Variants in USP54 observed in about 807,000 individuals in gnomAD.
USP54 encodes the protein ubiquitin specific peptidase 54.
Under a neutral mutation model 170.5 loss-of-function variants are expected in USP54, and 87 were observed. The ratio of observed to expected loss-of-function variants is 0.51; its 90% confidence interval spans 0.43 to 0.61. The LOEUF (loss-of-function observed/expected upper bound fraction) is 0.61, where lower values mean the gene tolerates loss of function less well. Among genes scored for constraint, USP54 ranks in the 20% least tolerant of loss-of-function variants. The pLI is 0.00. For synonymous variants in USP54, 655 were observed against 742.8 expected, an observed-to-expected ratio of 0.88 and a Z score of 1.92; for missense variants, 1,786 against 2,047.8, an observed-to-expected ratio of 0.87 and a Z score of 2.47.
chr10:73,579,021 A>G (rs1210272532), intron 1 of USP54, among the ~76,000 whole-genome samples: 1 of 148,614 alleles, frequency 6.7e-6, no homozygotes, highest in Non-Finnish European at 1.5e-5. Flanking sequence ...GCTCACTGTA[A>G]CCTCCACCTC....
At position 73,601,447 on chromosome 10, in the gene USP54, ATG is replaced by A. The variant is rs2079157825; in HGVS notation, c.-18+24118_-18+24119del. Among the ~76,000 whole-genome samples, 2 of 152,114 alleles carry A rather than the reference ATG, an allele frequency of 1.3e-5. 1 individual carries two copies. Among genetic ancestry groups the A allele is most frequent in the Non-Finnish European group, 2.9e-5 (2 of 68,024 alleles). ...CAACTTAGAGAAAGACTGAATGTGT[ATG>A]TCACCTTCAACCTGATACTCACACA... On this transcript the variant is annotated intron_variant, in intron 1 of 22. Transcript: ENST00000339859.
chr10:73,592,447 C>G (rs1029598884), upstream of USP54, among the ~76,000 whole-genome samples: 16 of 149,520 alleles, frequency 1.1e-4, no homozygotes, highest in African/African-American at 4.0e-4. Context: ...TTGAAGTAGT[C>G]CTTTGGCCAC....
intron 11 of USP54, 40 bp downstream of exon 11, chr10:73,536,229 G>A (rs770997220): frequency 6.2e-7 from 1 of 1,608,974 alleles, no homozygotes. Flanking sequence ...TGATCGCATG[G>A]GGTGAGGAGA....
At chr10:73,501,381 T>A (rs1013015418) in intron 22 of USP54, among the ~76,000 whole-genome samples, 3 of 152,214 alleles carry the variant, frequency 2.0e-5, no homozygotes, top group African/African-American at 7.2e-5. Flanking sequence ...CCCTATTAGT[T>A]ATCTACTTTT....
At chr10:73,568,357 G>A (rs2074308525) in intron 4 of USP54, among the ~76,000 whole-genome samples, 1 of 152,046 alleles carries the variant, frequency 6.6e-6, no homozygotes, top group Admixed American at 6.6e-5. Flanking sequence ...CCTGGATGAG[G>A]GAATAGCTCT....
At chr10:73,570,265 C>T (rs1453152886) in intron 4 of USP54, among the ~76,000 whole-genome samples, 3 of 151,984 alleles carry the variant, frequency 2.0e-5, no homozygotes, top group Non-Finnish European at 4.4e-5. Flanking sequence ...TTGGCCCTTA[C>T]ACATCATAGC....
chr10:73,514,497 AG>A (rs1589916277), intron 20 of USP54, among the ~76,000 whole-genome samples: 1 of 151,440 alleles, frequency 6.6e-6, no homozygotes, highest in East Asian at 2.0e-4. Context: ...CAGGAGGCAG[AG>A]GTTGCAGTGA....
intron 4 of USP54, among the ~76,000 whole-genome samples, chr10:73,571,137 CAAAAAA>C (rs59126730): frequency 0.083 from 3,672 of 44,156 alleles, 93 homozygotes; most frequent in South Asian, 0.23. Context: ...GACTTCATCC[CAAAAAA>C]AAAAAAAAAA....
chr10:73,541,913 G>A lies in USP54; in HGVS notation c.573-175C>T, dbSNP rs567963786. 1.2e-4 allele frequency: 72 copies of A among 611,676 alleles called. No individual in the cohort carries two copies. In the African/African-American group the frequency reaches 1.2e-3, roughly 10 times the overall value. 37.9% of individuals were successfully genotyped at this position (611,676 alleles called of 1,614,324 possible). On this transcript the variant is annotated intron_variant, in intron 7 of 23. Transcript: ENST00000687698. ...CAGTAAGTACCTCTACCTGTCCCCA[G>A]ATCCAAAGCTCATAGAATCCCCACT...
intron 12 of USP54, among the ~76,000 whole-genome samples, chr10:73,531,754 T>C (rs910748356): frequency 6.6e-6 from 1 of 152,228 alleles, no homozygotes; most frequent in Non-Finnish European, 1.5e-5. Context: ...CATAGTTCCT[T>C]AATACTAATC....
chr10:73,590,480 A>C (rs1310110170), intron 1 of USP54, among the ~76,000 whole-genome samples: 1 of 152,168 alleles, frequency 6.6e-6, no homozygotes, highest in Non-Finnish European at 1.5e-5. Context: ...AGTATCAACC[A>C]TCCAGTATCC....
In USP54 at chr10:73,541,456, A is replaced by G. The variant is rs191976931; in HGVS notation, c.744T>C (p.Ile248=). ...AGTGGTCTGAGTCCCATACCAGCCC[A>G]ATCGTGATAATCTGTGGAGCATTCA... ...VLMNAPQIIT[I]GLVWDSDHSD... is the part of the protein sequence containing the mutation. The change falls in exon 9 of 24, where the codon ATT becomes ATC. Residue 248 remains isoleucine (I), a synonymous_variant. Coordinates refer to ENST00000687698, the MANE Select transcript of USP54 (RefSeq NM_001391956.1). 1.4e-5 allele frequency: 22 copies of G among 1,614,234 alleles called. No homozygotes were observed. Among genetic ancestry groups the G allele is most frequent in the Non-Finnish European group, 1.8e-5 (21 of 1,180,030 alleles).
At chr10:73,623,901 G>T (rs2081273390) in intron 1 of USP54, among the ~76,000 whole-genome samples, 1 of 151,902 alleles carries the variant, frequency 6.6e-6, no homozygotes, top group Non-Finnish European at 1.5e-5. Flanking sequence ...GTGGCTAAAT[G>T]AATTAATCTT....
intron 1 of USP54, among the ~76,000 whole-genome samples, chr10:73,587,320 A>G (rs1281713263): frequency 6.6e-6 from 1 of 152,010 alleles, no homozygotes; most frequent in African/African-American, 2.4e-5. Flanking sequence ...AAAAAACACA[A>G]AAAAATTAGC....
upstream of USP54, among the ~76,000 whole-genome samples, chr10:73,594,529 C>T (rs1464935556): frequency 1.3e-5 from 2 of 151,864 alleles, no homozygotes; most frequent in Non-Finnish European, 2.9e-5. Context: ...CTCAGCCTCC[C>T]GAGTAGCTGG....
At chr10:73,596,751 G>A (rs1045908246) in intron 1 of USP54, among the ~76,000 whole-genome samples, 6 of 149,742 alleles carry the variant, frequency 4.0e-5, no homozygotes, top group African/African-American at 1.5e-4. Flanking sequence ...AGGAATAAAG[G>A]GTTTCTCAGT....
chr10:73,552,740 G>A (rs1386542834), intron 4 of USP54, among the ~76,000 whole-genome samples: 1 of 152,154 alleles, frequency 6.6e-6, no homozygotes, highest in African/African-American at 2.4e-5. Context: ...GCAGTAAGCT[G>A]AGATCACACC....
At chr10:73,555,550 A>C (rs2070743120) in intron 4 of USP54, among the ~76,000 whole-genome samples, 1 of 152,246 alleles carries the variant, frequency 6.6e-6, no homozygotes, top group South Asian at 2.1e-4. Flanking sequence ...GACAATGGAC[A>C]GAGACAGAGA....
At chr10:73,624,159 C>CATATGTATAT in intron 1 of USP54, among the ~76,000 whole-genome samples, 1 of 69,864 alleles carries the variant, frequency 1.4e-5, no homozygotes, top group Admixed American at 2.2e-4. Context: ...TTTTAAAAGC[C>CATATGTATAT]ATATATATAT....
Sources: gnomAD v4.1 joint callset for allele counts (sites outside exome capture counted in the v4.1 genomes callset) on GRCh38, gnomAD v4.1.1 for gene constraint, MANE v1.5 for transcripts, NCBI Gene and HGNC (gene_info 2026-07-23, HGNC 2026-07-21) for gene names.